The following SRD5A2 variants were observed in gnomAD, a reference collection of about 807,000 sequenced individuals.
SRD5A2 encodes the protein steroid 5 alpha-reductase 2.
A neutral mutation model predicts 27.4 loss-of-function variants in SRD5A2; 30 were observed. That is an observed-to-expected ratio of 1.10 (90% CI 0.82 to 1.49). The LOEUF is 1.49. Ranked by LOEUF, SRD5A2 falls within the 40% of genes most tolerant of loss-of-function variation. The pLI is 0.00. For missense variants in SRD5A2, 348 were observed against 323.4 expected, an observed-to-expected ratio of 1.08 and a Z score of -0.58; for synonymous variants, 141 against 133.6, an observed-to-expected ratio of 1.06 and a Z score of -0.38.
intron 1 of SRD5A2, among the ~76,000 whole-genome samples, chr2:31,566,047 A>C (rs913467287): frequency 6.6e-6 from 1 of 152,106 alleles, no homozygotes; most frequent in Non-Finnish European, 1.5e-5. Flanking sequence ...ATTAGAAATG[A>C]ATACAGAACA....
the SRD5A2 span, among the ~76,000 whole-genome samples, chr2:31,598,275 A>G: frequency 1.3e-5 from 2 of 151,998 alleles, no homozygotes; most frequent in African/African-American, 4.8e-5. Context: ...AGAATGATAT[A>G]ATGGGCTCTG....
chr2:31,622,612 T>C, the SRD5A2 span, among the ~76,000 whole-genome samples: 1 of 152,094 alleles, frequency 6.6e-6, no homozygotes, highest in Non-Finnish European at 1.5e-5. Flanking sequence ...GCTGCAGGCA[T>C]TGCAGTTTTT....
the SRD5A2 span, among the ~76,000 whole-genome samples, chr2:31,614,713 T>C: frequency 1.8e-4 from 28 of 152,296 alleles, 1 homozygote; most frequent in South Asian, 5.8e-3. Flanking sequence ...TATCCAGGCA[T>C]TTCCATACAT....
At chr2:31,584,125 G>A (rs1303598771), upstream of SRD5A2, among the ~76,000 whole-genome samples, 2 of 152,294 alleles carry the variant, frequency 1.3e-5, no homozygotes, top group South Asian at 2.1e-4. Flanking sequence ...GTTGGGGAAC[G>A]TATGAGCCCT....
chr2:31,625,652 T>G, the SRD5A2 span, among the ~76,000 whole-genome samples: 1 of 152,212 alleles, frequency 6.6e-6, no homozygotes, highest in Non-Finnish European at 1.5e-5. Context: ...GTCAGGTTTG[T>G]CAAAGATCAG....
chr2:31,536,555 G>T (rs1054980258), intron 1 of SRD5A2, among the ~76,000 whole-genome samples: 14 of 152,190 alleles, frequency 9.2e-5, no homozygotes, highest in African/African-American at 3.4e-4. Flanking sequence ...AGCTGATTGG[G>T]TTTCCCAGCA....
chr2:31,597,957 T>G, the SRD5A2 span, among the ~76,000 whole-genome samples: 2 of 152,126 alleles, frequency 1.3e-5, no homozygotes, highest in African/African-American at 2.4e-5. Context: ...ACTGGGTGTC[T>G]ACCCAGAGGA....
the SRD5A2 span, among the ~76,000 whole-genome samples, chr2:31,643,442 A>C: frequency 6.6e-6 from 1 of 152,192 alleles, no homozygotes; most frequent in South Asian, 2.1e-4. Context: ...AAATAGTCAA[A>C]TAAATATAGA....
chr2:31,586,728 A>C, the SRD5A2 span, among the ~76,000 whole-genome samples: 4 of 152,198 alleles, frequency 2.6e-5, no homozygotes, highest in Non-Finnish European at 5.9e-5. Flanking sequence ...ATAGATCAAA[A>C]TACTCCGGTC....
intron 3 of SRD5A2, among the ~76,000 whole-genome samples, chr2:31,529,800 T>G (rs911540732): frequency 6.6e-6 from 1 of 152,180 alleles, no homozygotes; most frequent in Non-Finnish European, 1.5e-5. Flanking sequence ...GGAAGGTTTT[T>G]GGGCCACCTC....
chr2:31,636,452 T>C, the SRD5A2 span, among the ~76,000 whole-genome samples: 1 of 152,168 alleles, frequency 6.6e-6, no homozygotes, highest in East Asian at 1.9e-4. Flanking sequence ...CTCCTTTTAA[T>C]AAAAGATGCC....
Position 31,580,717 on chromosome 2 carries a change from C to A in SRD5A2, c.184G>T (p.Ala62Ser), listed in dbSNP as rs1340733222. The change falls in exon 1 of 5, where the codon GCG (alanine) becomes TCG (serine). Residue 62 changes from alanine to serine, a missense_variant. Coordinates refer to ENST00000622030, the MANE Select transcript of SRD5A2 (RefSeq NM_000348.4). ...AWFLQELPSF[A>S]VPAGILARQP... is the part of the protein sequence containing the mutation. The stretch of plus-strand genomic sequence containing the variant: ...CGGGCGAGGATCCCCGCGGGCACCG[C>A]GAAGGAAGGCAGCTCCTGCAGGAAC... 5 of 1,606,298 alleles carry A rather than the reference C, an allele frequency of 3.1e-6. No individual in the cohort carries two copies. In the African/African-American group the frequency reaches 6.7e-5, roughly 21 times the overall value.
the SRD5A2 span, among the ~76,000 whole-genome samples, chr2:31,616,091 C>T: frequency 1.3e-5 from 2 of 151,742 alleles, no homozygotes; most frequent in African/African-American, 4.8e-5. Flanking sequence ...CAGAAGTTGG[C>T]TACAGGGGTG....
At chr2:31,562,148 T>C (rs991869423) in intron 1 of SRD5A2, among the ~76,000 whole-genome samples, 1 of 152,156 alleles carries the variant, frequency 6.6e-6, no homozygotes, top group Non-Finnish European at 1.5e-5. Context: ...TCTCAATGTT[T>C]GCAAAAAGAA....
intron 1 of SRD5A2, among the ~76,000 whole-genome samples, chr2:31,564,179 C>T (rs1666684025): frequency 6.6e-6 from 1 of 151,904 alleles, no homozygotes. Context: ...AACTGCATTC[C>T]ATGTGTTCAC....
the SRD5A2 span, among the ~76,000 whole-genome samples, chr2:31,588,673 T>G: frequency 6.6e-6 from 1 of 152,210 alleles, no homozygotes; most frequent in African/African-American, 2.4e-5. Context: ...CAGTAAGTAA[T>G]CACTTATTAA....
At chr2:31,587,003 A>G in the SRD5A2 span, among the ~76,000 whole-genome samples, 1 of 152,214 alleles carries the variant, frequency 6.6e-6, no homozygotes, top group African/African-American at 2.4e-5. Context: ...GAAATTCAGA[A>G]TTCTATCAGA....
rs1193103267 is a variant in SRD5A2 at position 31,525,239 on chromosome 2, C to G, written c.*957G>C. On this transcript the variant is annotated 3_prime_UTR_variant, in exon 5 of 5. Transcript: ENST00000622030. Reference sequence around the variant, plus strand: ...TCCAGGAAAGGAAAGTTGCTTGGGGCTTCTGCTGTACTTCATATTGTTGTG... The same window carrying G: ...TCCAGGAAAGGAAAGTTGCTTGGGGGTTCTGCTGTACTTCATATTGTTGTG... 1 of 222,676 alleles carries G rather than the reference C, an allele frequency of 4.5e-6. No homozygotes were observed. Among genetic ancestry groups the G allele is most frequent in the African/African-American group, 2.2e-5 (1 of 44,724 alleles). 13.8% of individuals were successfully genotyped at this position (222,676 alleles called of 1,614,324 possible).
chr2:31,537,904 G>A (rs189747372), intron 1 of SRD5A2, among the ~76,000 whole-genome samples: 9 of 152,046 alleles, frequency 5.9e-5, no homozygotes, highest in Admixed American at 1.3e-4. Flanking sequence ...CTTCCTCCAC[G>A]TGAGAATACA....
Sources: gnomAD v4.1 joint callset for allele counts (sites outside exome capture counted in the v4.1 genomes callset) on GRCh38, gnomAD v4.1.1 for gene constraint, MANE v1.5 for transcripts, NCBI Gene and HGNC (gene_info 2026-07-23, HGNC 2026-07-21) for gene names.